The following SLC36A1 variants were observed in gnomAD, a reference collection of about 807,000 sequenced individuals.
SLC36A1 encodes the protein proton-coupled amino acid transporter 1.
A neutral mutation model predicts 47.5 loss-of-function variants in SLC36A1; 30 were observed. The observed-to-expected ratio is 0.63, with a 90% confidence interval of 0.47 to 0.86. The LOEUF (loss-of-function observed/expected upper bound fraction) is 0.86, where lower values mean the gene tolerates loss of function less well. SLC36A1 is among the 40% of genes least tolerant of loss of function. SLC36A1 has a pLI of 0.00. For missense variants in SLC36A1, 517 were observed against 606.0 expected, an observed-to-expected ratio of 0.85 and a Z score of 1.54; for synonymous variants, 255 against 249.7, an observed-to-expected ratio of 1.02 and a Z score of -0.20.
the SLC36A1 span, among the ~76,000 whole-genome samples, chr5:151,348,742 TG>T: frequency 2.0e-5 from 3 of 152,322 alleles, no homozygotes; most frequent in East Asian, 3.9e-4. Context: ...TTTACAGATG[TG>T]GAAATTGAGG....
downstream of SLC36A1, among the ~76,000 whole-genome samples, chr5:151,494,816 A>G (rs1760291964): frequency 6.6e-6 from 1 of 152,154 alleles, no homozygotes; most frequent in African/African-American, 2.4e-5. Context: ...TTTAAAACTC[A>G]CTTCTAACTG....
At chr5:151,452,989 G>A (rs1441274551) in intron 1 of SLC36A1, among the ~76,000 whole-genome samples, 2 of 151,950 alleles carry the variant, frequency 1.3e-5, no homozygotes, top group Non-Finnish European at 2.9e-5. Context: ...ACCACCTGAG[G>A]TCAAGAGTTT....
the SLC36A1 span, among the ~76,000 whole-genome samples, chr5:151,377,454 T>G: frequency 3.4e-5 from 5 of 148,356 alleles, no homozygotes; most frequent in Non-Finnish European, 7.4e-5. Flanking sequence ...GTTCACGCCA[T>G]TCTCCTGCCT....
chr5:151,505,719 C>T, the SLC36A1 span: 1 of 1,613,876 alleles, frequency 6.2e-7, no homozygotes, highest in Non-Finnish European at 8.5e-7. Flanking sequence ...GAGGCGCATA[C>T]CCACCCCCTT....
At chr5:151,368,683 T>A in the SLC36A1 span, among the ~76,000 whole-genome samples, 32 of 152,340 alleles carry the variant, frequency 2.1e-4, no homozygotes, top group Admixed American at 2.0e-3. Flanking sequence ...TTTCTCCTTT[T>A]TTCTGGTGAC....
chr5:151,451,360 T>C (rs955299013), intron 1 of SLC36A1, among the ~76,000 whole-genome samples: 2 of 152,164 alleles, frequency 1.3e-5, no homozygotes, highest in African/African-American at 4.8e-5. Flanking sequence ...GCCCCAGGGC[T>C]AGTCCTTAAT....
At chr5:151,378,579 C>T in the SLC36A1 span, 1 of 204,530 alleles carries the variant, frequency 4.9e-6, no homozygotes, top group Non-Finnish European at 1.1e-5. Flanking sequence ...GTCAGCCAGG[C>T]AGAAGAGGTC....
At chr5:151,369,993 GT>G in the SLC36A1 span, among the ~76,000 whole-genome samples, 1 of 151,526 alleles carries the variant, frequency 6.6e-6, no homozygotes, top group Admixed American at 6.6e-5. Flanking sequence ...TGGGGTTGGG[GT>G]TTTCCCATGC....
chr5:151,543,753 A>G, the SLC36A1 span: 1 of 1,614,230 alleles, frequency 6.2e-7, no homozygotes, highest in South Asian at 1.1e-5. Flanking sequence ...GGAAGACTCC[A>G]TCAGAAGCAC....
At chr5:151,475,270 T>A (rs1757890878) in intron 8 of SLC36A1, among the ~76,000 whole-genome samples, 1 of 152,228 alleles carries the variant, frequency 6.6e-6, no homozygotes, top group African/African-American at 2.4e-5. Flanking sequence ...TTCTTGGGCA[T>A]CCTAAGGGAC....
At chr5:151,545,373 G>A in the SLC36A1 span, 4 of 1,614,178 alleles carry the variant, frequency 2.5e-6, no homozygotes, top group Non-Finnish European at 3.4e-6. Context: ...TGACAGGATG[G>A]ATGGTAACAG....
chr5:151,350,918 G>A, the SLC36A1 span, among the ~76,000 whole-genome samples: 2 of 152,058 alleles, frequency 1.3e-5, no homozygotes, highest in African/African-American at 2.4e-5. Context: ...GGCTGGTCTT[G>A]AATTCCTGAG....
At chr5:151,384,992 GT>G in the SLC36A1 span, among the ~76,000 whole-genome samples, 612 of 126,886 alleles carry the variant, frequency 4.8e-3, 3 homozygotes, top group African/African-American at 0.021. Context: ...GTGTGGGTGT[GT>G]GAGAGAGAGA....
chr5:151,546,663 C>A, the SLC36A1 span, among the ~76,000 whole-genome samples: 15 of 152,068 alleles, frequency 9.9e-5, no homozygotes, highest in African/African-American at 3.6e-4. Context: ...TTCAGTGATG[C>A]CTTTTGTAGG....
At chr5:151,511,938 C>T in the SLC36A1 span, 1 of 565,620 alleles carries the variant, frequency 1.8e-6, no homozygotes, top group Non-Finnish European at 3.2e-6. Flanking sequence ...TTCATATCCT[C>T]CCTCATCCCC....
In SLC36A1 at chr5:151,492,078, G is replaced by A. The variant is rs949688331; in HGVS notation, c.*3824G>A. 17 of 152,224 alleles carry A rather than the reference G, an allele frequency of 1.1e-4. No individual in the cohort carries two copies. The highest frequency in any genetic ancestry group is 4.1e-4 in the African/African-American group (17 of 41,450). The allele number at this position is 152,224 out of a possible 1,614,324, so 9.4% of individuals were successfully genotyped here. A position where few individuals can be genotyped will look rare whatever the true frequency, so the allele number is the denominator to read the frequency against. ...AGGTGCAGGGTGCCTGTCATTCACT[G>A]TGTTATTTGGTTTAAATCAAAGTGA... On this transcript the variant is annotated 3_prime_UTR_variant, in exon 11 of 11. Coordinates refer to ENST00000243389, the MANE Select transcript of SLC36A1 (RefSeq NM_078483.4).
the SLC36A1 span, chr5:151,545,935 C>T: frequency 6.2e-6 from 10 of 1,613,990 alleles, no homozygotes; most frequent in Admixed American, 3.3e-5. Flanking sequence ...ATTGCTGCCT[C>T]GGATTTTCAG....
At chr5:151,522,416 T>G in the SLC36A1 span, among the ~76,000 whole-genome samples, 1 of 152,184 alleles carries the variant, frequency 6.6e-6, no homozygotes, top group East Asian at 1.9e-4. Context: ...CTCATGAAGT[T>G]TCTCATTCTG....
chr5:151,516,262 C>G, the SLC36A1 span, among the ~76,000 whole-genome samples: 1 of 152,222 alleles, frequency 6.6e-6, no homozygotes, highest in African/African-American at 2.4e-5. Flanking sequence ...ATAATCCCAG[C>G]ACTTTGGGAG....
Sources: gnomAD v4.1 joint callset for allele counts (sites outside exome capture counted in the v4.1 genomes callset) on GRCh38, gnomAD v4.1.1 for gene constraint, MANE v1.5 for transcripts, NCBI Gene and HGNC (gene_info 2026-07-23, HGNC 2026-07-21) for gene names.